HABP2: variants seen among roughly 807,000 people sequenced by gnomAD.
The protein encoded by HABP2 is factor VII-activating protease.
In HABP2, 65 loss-of-function variants were observed where a neutral mutation model predicts 66.5. That is an observed-to-expected ratio of 0.98 (90% CI 0.80 to 1.20). HABP2 has a LOEUF of 1.20. Ranked by LOEUF, HABP2 falls within the 50% of genes most tolerant of loss-of-function variation. The pLI is 0.00. For synonymous variants in HABP2, 263 were observed against 253.9 expected (o/e 1.04, Z -0.34); for missense variants, 786 against 691.0 (o/e 1.14, Z -1.54).
At chr10:113,579,769 T>G (rs112740416) in intron 7 of HABP2, among the ~76,000 whole-genome samples, 9,360 of 152,070 alleles carry the variant, frequency 0.062, 932 homozygotes, top group African/African-American at 0.21. Context: ...TGTTTTTTTT[T>G]TTTGTTTGTT....
chr10:113,555,681 G>T (rs566085815), intron 1 of HABP2, among the ~76,000 whole-genome samples: 3 of 152,154 alleles, frequency 2.0e-5, no homozygotes, highest in Non-Finnish European at 4.4e-5. Flanking sequence ...GTGCCTTGCT[G>T]TTCTACTCGA....
rs1592699340 is a variant in HABP2, at chr10:113,581,912, C to T, written c.875C>T (p.Ser292Leu). 1.2e-6 allele frequency: 2 copies of T among 1,614,124 alleles called. No homozygotes were observed. The highest frequency in any genetic ancestry group is 1.7e-6 in the Non-Finnish European group (2 of 1,179,906). Residue 292 changes from serine (S) to leucine (L), a missense_variant, in exon 9 of 13, where the codon TCA becomes TTA. Physicochemically the swap from Ser to Leu is moderately radical, Grantham distance 145. Transcript: ENST00000351270. ...CCAGAGGAAAGCCCCACTGAGCCAT[C>T]AACCAAGCTTCCGGGGTTTGACTCC... ...AYPEESPTEP[S>L]TKLPGFDSCG... is the part of the protein sequence containing the mutation.
intron 2 of HABP2, among the ~76,000 whole-genome samples, chr10:113,567,979 C>T (rs1845231590): frequency 6.6e-6 from 1 of 152,208 alleles, no homozygotes; most frequent in East Asian, 1.9e-4. Context: ...ACCCTCACAC[C>T]AGCACCTCTG....
At chr10:113,574,220 C>T (rs1409451527) in intron 2 of HABP2, 69 bp from the exon 3 acceptor site, 2 of 803,514 alleles carry the variant, frequency 2.5e-6, no homozygotes, top group South Asian at 1.5e-5. Context: ...AGGTGTCCAA[C>T]TAAATAAAAT....
At chr10:113,557,626 GAC>G (rs1336854915) in intron 1 of HABP2, among the ~76,000 whole-genome samples, 2 of 152,208 alleles carry the variant, frequency 1.3e-5, no homozygotes, top group African/African-American at 4.8e-5. Context: ...CCATGCCTGT[GAC>G]CCGCAAACAA....
upstream of HABP2, among the ~76,000 whole-genome samples, chr10:113,552,558 T>A (rs142216715): frequency 6.6e-6 from 1 of 152,326 alleles, no homozygotes; most frequent in East Asian, 1.9e-4. Context: ...AACAAGCAAC[T>A]GTGGGCAACA....
chr10:113,558,684 G>T (rs564130967), intron 1 of HABP2, among the ~76,000 whole-genome samples: 1 of 152,326 alleles, frequency 6.6e-6, no homozygotes, highest in Non-Finnish European at 1.5e-5. Flanking sequence ...GAAAGCGCAG[G>T]AGTGAGCACA....
chr10:113,585,462 C>T (rs904287379), intron 11 of HABP2, among the ~76,000 whole-genome samples: 1 of 152,214 alleles, frequency 6.6e-6, no homozygotes, highest in African/African-American at 2.4e-5. Context: ...TCCATTCATT[C>T]ACTAAGAATT....
At chr10:113,580,994 G>A (rs1258333523) in intron 8 of HABP2, among the ~76,000 whole-genome samples, 1 of 152,198 alleles carries the variant, frequency 6.6e-6, no homozygotes, top group East Asian at 1.9e-4. Flanking sequence ...ACTATGCTGG[G>A]CACTGGGTGT....
At position 113,578,807 on chromosome 10, in the gene HABP2, T is replaced by G; in HGVS notation, c.740+9T>G. ...GAACACAATTTCTGCAGGTAACATT[T>G]ACCTTATTTATGCTCAGTTGATTTT... On this transcript the variant is annotated intron_variant, in intron 7 of 12. Transcript: ENST00000351270. 3.2e-6 allele frequency: 5 copies of G among 1,576,218 alleles called. No homozygotes were observed. The highest frequency in any genetic ancestry group is 4.4e-6 in the Non-Finnish European group (5 of 1,146,230).
chr10:113,588,403 C>T lies in HABP2; in HGVS notation c.*34C>T. ...CTTCTGGACCTCAGAGCCCACTCTC[C>T]TTGGCACCCTGACACCGGGAGGCCT... is the stretch of plus-strand genomic sequence containing the variant. On this transcript the variant is annotated 3_prime_UTR_variant, in exon 13 of 13. Transcript: ENST00000351270. 6.4e-7 allele frequency: 1 copy of T among 1,562,302 alleles called. No homozygotes were observed. The highest frequency in any genetic ancestry group is 1.4e-5 in the African/African-American group (1 of 73,536).
chr10:113,575,940 C>T lies in HABP2; in HGVS notation c.267C>T (p.Leu89=), dbSNP rs374774514. ...PNPCEHGGDC[L]VHGSTFTCSC... ...CCTGTGAACACGGTGGGGACTGCCT[C>T]GTCCATGGGAGCACCTTCACATGCA... Residue 89 remains leucine, a synonymous_variant, in exon 4 of 13, where the codon CTC becomes CTT. Coordinates refer to ENST00000351270, the MANE Select transcript of HABP2 (RefSeq NM_004132.5). 3.0e-5 allele frequency: 48 copies of T among 1,612,274 alleles called. No individual in the cohort carries two copies. Among genetic ancestry groups the T allele is most frequent in the African/African-American group, 2.9e-4 (22 of 74,988 alleles).
At chr10:113,584,092 G>T in intron 10 of HABP2, 56 bp from the exon 11 acceptor site, 1 of 1,546,586 alleles carries the variant, frequency 6.5e-7, no homozygotes, top group Non-Finnish European at 8.9e-7. Context: ...TGGAGCTGGT[G>T]CTTCTCTGAC....
chr10:113,576,051 A>T, intron 4 of HABP2, 47 bp downstream of exon 4: 2 of 1,012,856 alleles, frequency 2.0e-6, no homozygotes, highest in East Asian at 2.4e-5. Flanking sequence ...GTTAAACAAG[A>T]GGCAGTCCTT....
chr10:113,552,378 C>G (rs1464225106), upstream of HABP2, among the ~76,000 whole-genome samples: 1 of 152,140 alleles, frequency 6.6e-6, no homozygotes, highest in Non-Finnish European at 1.5e-5. Context: ...CAGAACTCTA[C>G]CTGCAACCAG....
chr10:113,582,272 G>T, intron 9 of HABP2, 141 bp downstream of exon 9: 1 of 722,998 alleles, frequency 1.4e-6, no homozygotes. Flanking sequence ...GCTCCTGAAA[G>T]CCAGAGGGAA....
intron 1 of HABP2, among the ~76,000 whole-genome samples, chr10:113,557,873 C>T (rs1236981254): frequency 6.6e-6 from 1 of 152,222 alleles, no homozygotes; most frequent in African/African-American, 2.4e-5. Flanking sequence ...AGTTAGGGAC[C>T]AATGTCATTC....
intron 2 of HABP2, 31 bp from the exon 3 acceptor site, chr10:113,574,258 G>T (rs778074411): frequency 9.2e-7 from 1 of 1,086,616 alleles, no homozygotes; most frequent in South Asian, 1.3e-5. Flanking sequence ...TAATGATTAG[G>T]ATTTCTTCTG....
chr10:113,584,358 C>A, intron 11 of HABP2, 76 bp downstream of exon 11: 1 of 1,253,872 alleles, frequency 8.0e-7, no homozygotes, highest in Non-Finnish European at 1.2e-6. Context: ...CTCAACTGCC[C>A]TTTTGAAGTT....
Sources: allele counts gnomAD v4.1 joint callset (sites outside exome capture counted in the v4.1 genomes callset), GRCh38; gene constraint gnomAD v4.1.1; transcripts MANE v1.5; gene names NCBI Gene and HGNC (gene_info 2026-07-23, HGNC 2026-07-21).